SLIT3: variants seen among roughly 807,000 people sequenced by gnomAD.
SLIT3 encodes the protein slit guidance ligand 3, also known as slit homolog 3 protein.
In SLIT3, 68 loss-of-function variants were observed where a neutral mutation model predicts 184.0. The ratio of observed to expected loss-of-function variants is 0.37; its 90% CI spans 0.30 to 0.45. The LOEUF (loss-of-function observed/expected upper bound fraction) is 0.45. Ranked by LOEUF, SLIT3 falls within the 20% of genes least tolerant of loss-of-function variation. The probability of loss-of-function intolerance (pLI) is 1.00; values close to 1 mark genes in which losing one functional copy is unlikely to be tolerated. For missense variants in SLIT3, 1,707 were observed against 2,026.0 expected (o/e 0.84, Z 3.02); for synonymous variants, 831 against 828.6 (o/e 1.00, Z -0.05).
intron 3 of SLIT3, among the ~76,000 whole-genome samples, chr5:169,216,605 C>T (rs902034614): frequency 2.0e-5 from 3 of 152,102 alleles, no homozygotes; most frequent in South Asian, 2.1e-4. Flanking sequence ...TGGGGAAGAA[C>T]GTGCTGTAAT....
intron 1 of SLIT3, among the ~76,000 whole-genome samples, chr5:169,283,572 G>C (rs1489251784): frequency 6.6e-6 from 1 of 152,120 alleles, no homozygotes; most frequent in Non-Finnish European, 1.5e-5. Flanking sequence ...TGAAAGAAAG[G>C]CTGCTGCTAG....
chr5:168,856,835 T>C (rs1758897983), intron 5 of SLIT3, among the ~76,000 whole-genome samples: 1 of 150,084 alleles, frequency 6.7e-6, no homozygotes, highest in South Asian at 2.1e-4. Context: ...TTGTTCAGAC[T>C]GGTTCTCAGA....
intron 34 of SLIT3, 56 bp downstream of exon 34, chr5:168,671,142 G>A: frequency 6.4e-7 from 1 of 1,565,898 alleles, no homozygotes; most frequent in African/African-American, 1.3e-5. Flanking sequence ...GGTGGGGTAG[G>A]GACTGAGGCC....
intron 3 of SLIT3, among the ~76,000 whole-genome samples, chr5:169,206,614 C>T (rs746094836): frequency 2.6e-5 from 4 of 152,166 alleles, no homozygotes; most frequent in Admixed American, 1.3e-4. Flanking sequence ...TGACAGTAAA[C>T]GATTCAAACA....
chr5:169,113,645 T>A lies in SLIT3; in HGVS notation c.413+79834A>T, dbSNP rs1581422862. On this transcript the variant is annotated intron_variant, in intron 4 of 35. Coordinates refer to ENST00000519560, the MANE Select transcript of SLIT3 (RefSeq NM_003062.4). ...ATGTATATCTCATATCATCATGCCT[T>A]TTTTTTCTTTTTCTTTTTTTTTTTT... Among the ~76,000 whole-genome samples, 3 of 151,134 alleles carry A rather than the reference T, an allele frequency of 2.0e-5. No individual in the cohort carries two copies. The South Asian group carries it at 6.4e-4, about 32-fold the overall frequency.
chr5:169,140,632 T>C (rs759014178), intron 4 of SLIT3, among the ~76,000 whole-genome samples: 24 of 151,954 alleles, frequency 1.6e-4, no homozygotes, highest in Admixed American at 8.5e-4. Flanking sequence ...AGTGAGACCC[T>C]GTGTCTACAA....
chr5:169,068,297 T>C (rs1328188242), intron 4 of SLIT3, among the ~76,000 whole-genome samples: 1 of 152,198 alleles, frequency 6.6e-6, no homozygotes, highest in Non-Finnish European at 1.5e-5. Context: ...CCAAAAAATA[T>C]ATGAAACAAG....
At chr5:168,719,631 C>A (rs1437012698) in intron 23 of SLIT3, among the ~76,000 whole-genome samples, 2 of 152,246 alleles carry the variant, frequency 1.3e-5, no homozygotes, top group Non-Finnish European at 2.9e-5. Context: ...CATTTCCCCA[C>A]TGTGGCCCTT....
At chr5:168,726,216 T>A (rs181513817) in intron 20 of SLIT3, among the ~76,000 whole-genome samples, 2 of 151,740 alleles carry the variant, frequency 1.3e-5, no homozygotes, top group Non-Finnish European at 2.9e-5. Context: ...ATGCATTCAT[T>A]CATGCATGCA....
chr5:169,080,902 C>T (rs1759010599), intron 4 of SLIT3, among the ~76,000 whole-genome samples: 1 of 152,104 alleles, frequency 6.6e-6, no homozygotes, highest in Admixed American at 6.5e-5. Context: ...GATCATATTT[C>T]ATGGTTTTAA....
intron 4 of SLIT3, among the ~76,000 whole-genome samples, chr5:168,895,134 TC>T (rs1490554903): frequency 6.6e-6 from 1 of 152,194 alleles, no homozygotes; most frequent in Non-Finnish European, 1.5e-5. Flanking sequence ...TGAAGCCACT[TC>T]CTAGTGTCTA....
At chr5:168,966,000 A>G (rs62377229) in intron 4 of SLIT3, among the ~76,000 whole-genome samples, 6,068 of 152,348 alleles carry the variant, frequency 0.04, 155 homozygotes, top group Middle Eastern at 0.065. Context: ...CTCTTACCTA[A>G]GCAGGCCAAA....
At chr5:168,961,945 A>T (rs1489643335) in intron 4 of SLIT3, among the ~76,000 whole-genome samples, 2 of 152,028 alleles carry the variant, frequency 1.3e-5, no homozygotes, top group Non-Finnish European at 2.9e-5. Context: ...TCTGGGTATG[A>T]TATGGAGAAT....
chr5:169,161,304 C>CT (rs1448719468), intron 4 of SLIT3, among the ~76,000 whole-genome samples: 1 of 152,236 alleles, frequency 6.6e-6, no homozygotes, highest in African/African-American at 2.4e-5. Flanking sequence ...CTCCCACTGC[C>CT]TGCCCTCTCA....
chr5:168,841,994 T>C (rs1758270195), intron 6 of SLIT3, among the ~76,000 whole-genome samples: 1 of 152,238 alleles, frequency 6.6e-6, no homozygotes, highest in Non-Finnish European at 1.5e-5. Context: ...ATCAAGCTAA[T>C]GTGTAATACT....
At chr5:168,882,531 C>T (rs1181232040) in intron 5 of SLIT3, among the ~76,000 whole-genome samples, 1 of 152,142 alleles carries the variant, frequency 6.6e-6, no homozygotes, top group African/African-American at 2.4e-5. Flanking sequence ...TACAAGTGAG[C>T]ACACGTGGAG....
At chr5:169,043,755 C>T (rs559814521) in intron 4 of SLIT3, among the ~76,000 whole-genome samples, 5 of 152,174 alleles carry the variant, frequency 3.3e-5, no homozygotes, top group Non-Finnish European at 5.9e-5. Context: ...CTCCATTCCC[C>T]ACTCCAGTTG....
chr5:169,148,242 G>C (rs775721520), intron 4 of SLIT3, among the ~76,000 whole-genome samples: 1 of 152,160 alleles, frequency 6.6e-6, no homozygotes, highest in African/African-American at 2.4e-5. Context: ...GAAAAATGTA[G>C]ATGGTCCCAG....
intron 4 of SLIT3, among the ~76,000 whole-genome samples, chr5:169,015,128 C>A (rs941678198): frequency 6.6e-6 from 1 of 151,906 alleles, no homozygotes; most frequent in Non-Finnish European, 1.5e-5. Context: ...GCAACACCAT[C>A]TATGAGTTGA....
Sources: allele counts gnomAD v4.1 joint callset (sites outside exome capture counted in the v4.1 genomes callset), GRCh38; gene constraint gnomAD v4.1.1; transcripts MANE v1.5; gene names NCBI Gene and HGNC (gene_info 2026-07-23, HGNC 2026-07-21).